Variants in ARMH1 observed in about 807,000 individuals in gnomAD.
ARMH1 encodes the protein armadillo-like helical domain containing protein 1.
In ARMH1, 34 loss-of-function variants were observed where a neutral mutation model predicts 50.2. The observed-to-expected ratio is 0.68, with a 90% confidence interval of 0.51 to 0.90. The LOEUF (loss-of-function observed/expected upper bound fraction) is 0.90, where lower values mean the gene tolerates loss of function less well. Ranked by LOEUF, ARMH1 falls within the 40% of genes least tolerant of loss-of-function variation. The probability of loss-of-function intolerance (pLI) is 0.00; values close to 1 mark genes in which losing one functional copy is unlikely to be tolerated. For missense variants in ARMH1, 538 were observed against 553.9 expected (o/e 0.97, Z 0.29); for synonymous variants, 221 against 224.2 (o/e 0.99, Z 0.13).
At chr1:44,695,649 C>T (rs1275705069) in intron 2 of ARMH1, among the ~76,000 whole-genome samples, 1 of 151,758 alleles carries the variant, frequency 6.6e-6, no homozygotes, top group African/African-American at 2.4e-5. Flanking sequence ...AAAAAACAAA[C>T]AAAAAATAAA....
chr1:44,678,248 G>A (rs1645198411), intron 1 of ARMH1, among the ~76,000 whole-genome samples: 1 of 152,108 alleles, frequency 6.6e-6, no homozygotes, highest in Non-Finnish European at 1.5e-5. Context: ...GAGCAGTGTT[G>A]GAGGCAGAAG....
At chr1:44,715,930 T>C (rs913604381) in intron 6 of ARMH1, among the ~76,000 whole-genome samples, 44 of 152,212 alleles carry the variant, frequency 2.9e-4, no homozygotes, top group African/African-American at 1.0e-3. Context: ...CAATCCCTGT[T>C]TGTCAAATGC....
At chr1:44,685,957 A>T (rs768678977) in intron 1 of ARMH1, among the ~76,000 whole-genome samples, 38 of 152,106 alleles carry the variant, frequency 2.5e-4, no homozygotes, top group Non-Finnish European at 5.9e-5. Context: ...GGAGTTATAT[A>T]CCCAGCCAAT....
chr1:44,680,871 G>A (rs1027110333), intron 1 of ARMH1, among the ~76,000 whole-genome samples: 1 of 152,028 alleles, frequency 6.6e-6, no homozygotes, highest in Admixed American at 6.6e-5. Flanking sequence ...ACCAGGCCCT[G>A]TTTCTTCAAA....
In ARMH1 at chr1:44,697,690, AATTTAGGTCCC is replaced by A. The variant is rs554581303; in HGVS notation, c.276-370_276-360del. Among the ~76,000 whole-genome samples the A allele has an allele frequency of 5.2e-3, 796 of 152,244 alleles. 28 individuals are homozygous for A. The South Asian group carries it at 0.091, about 17-fold the overall frequency. On this transcript the variant is annotated intron_variant, in intron 3 of 11. Transcript: ENST00000535358. ...CCCAGGCTTTGAGCCTCATTGGACC[AATTTAGGTCCC>A]ATGCCCAGCCCCAAACGAACTTCTG...
intron 6 of ARMH1, among the ~76,000 whole-genome samples, chr1:44,720,789 A>G (rs1186775665): frequency 6.6e-6 from 1 of 152,014 alleles, no homozygotes; most frequent in Admixed American, 6.6e-5. Flanking sequence ...TAATCCCAGC[A>G]CTTTCGGAGG....
chr1:44,699,977 G>A (rs950698067), intron 4 of ARMH1, among the ~76,000 whole-genome samples: 12 of 151,906 alleles, frequency 7.9e-5, no homozygotes, highest in East Asian at 1.9e-4. Context: ...CTACAGGCGC[G>A]TGCCACCAGA....
intron 2 of ARMH1, among the ~76,000 whole-genome samples, chr1:44,694,763 G>A (rs766323468): frequency 6.6e-6 from 1 of 152,060 alleles, no homozygotes; most frequent in Non-Finnish European, 1.5e-5. Flanking sequence ...ACCCTCCTCA[G>A]TGCTGGGATC....
intron 6 of ARMH1, among the ~76,000 whole-genome samples, chr1:44,717,188 C>A (rs555875395): frequency 6.6e-6 from 1 of 152,134 alleles, no homozygotes; most frequent in Non-Finnish European, 1.5e-5. Context: ...TGATCCTGAG[C>A]GAGCTACTCA....
At chr1:44,695,040 A>C (rs963608804) in intron 2 of ARMH1, among the ~76,000 whole-genome samples, 2 of 152,184 alleles carry the variant, frequency 1.3e-5, no homozygotes, top group Non-Finnish European at 2.9e-5. Flanking sequence ...TACTCAGTGG[A>C]CCGTGCAGAC....
At chr1:44,703,405 C>G (rs1646182569) in intron 5 of ARMH1, among the ~76,000 whole-genome samples, 1 of 152,010 alleles carries the variant, frequency 6.6e-6, no homozygotes, top group South Asian at 2.1e-4. Flanking sequence ...CGTTTCCTTT[C>G]TAACAGGTAG....
chr1:44,704,995 C>T (rs990426896), intron 6 of ARMH1, among the ~76,000 whole-genome samples: 3 of 151,848 alleles, frequency 2.0e-5, no homozygotes, highest in Admixed American at 2.0e-4. Flanking sequence ...TCACCATGCC[C>T]GGCTAATTTT....
chr1:44,704,039 TAA>T (rs374584525), intron 5 of ARMH1, 48 bp from the exon 6 acceptor site: 5,807 of 1,190,470 alleles, frequency 4.9e-3, no homozygotes, highest in Non-Finnish European at 5.4e-3. Context: ...AATCCATCTT[TAA>T]AAAAAAAAAA....
chr1:44,704,145 C>A lies in ARMH1; in HGVS notation c.696C>A (p.Gly232=). Residue 232 remains glycine (G), a synonymous_variant, in exon 6 of 12, where the codon GGC becomes GGA. Transcript: ENST00000535358. The part of the protein sequence containing the change: ...SIVDCVLKVL[G]TMHLEVQYEA... The stretch of plus-strand genomic sequence containing the variant: ...TGGACTGCGTGCTGAAGGTGCTGGG[C>A]ACGATGCACCTGGAAGTCCAGTATG... 6.4e-7 allele frequency: 1 copy of A among 1,551,202 alleles called. No homozygotes were observed. The highest frequency in any genetic ancestry group is 8.7e-7 in the Non-Finnish European group (1 of 1,146,786).
intron 3 of ARMH1, among the ~76,000 whole-genome samples, chr1:44,697,721 C>A (rs935241195): frequency 1.3e-5 from 2 of 152,200 alleles, no homozygotes; most frequent in African/African-American, 4.8e-5. Flanking sequence ...CCCAAACGAA[C>A]TTCTGCAGTC....
intron 6 of ARMH1, among the ~76,000 whole-genome samples, chr1:44,710,242 T>C (rs1434729770): frequency 6.6e-6 from 1 of 152,114 alleles, no homozygotes; most frequent in Non-Finnish European, 1.5e-5. Context: ...ACCTCATTGT[T>C]AGTTTCCTTC....
intron 6 of ARMH1, chr1:44,721,797 G>C (rs558582588): frequency 2.0e-5 from 3 of 151,496 alleles, no homozygotes; most frequent in South Asian, 2.1e-4. Flanking sequence ...GCCTTGCCTA[G>C]GCAAGACTTC....
At chr1:44,714,171 G>A (rs1220495482) in intron 6 of ARMH1, among the ~76,000 whole-genome samples, 2 of 151,814 alleles carry the variant, frequency 1.3e-5, no homozygotes, top group African/African-American at 4.8e-5. Context: ...TTGGGAGGCT[G>A]AGGCAGTAGA....
At position 44,710,397 on chromosome 1, in the gene ARMH1, C is replaced by G. The variant is rs193047475; in HGVS notation, c.724+6224C>G. On this transcript the variant is annotated intron_variant, in intron 6 of 11. Coordinates refer to ENST00000535358, the MANE Select transcript of ARMH1 (RefSeq NM_001145636.2). ...GGCCAAGGCAGGTGGATCACGAGGTCAGGAGATCGAGACCATCCTGGCTAA... is the reference window on the plus strand; with the variant it reads ...GGCCAAGGCAGGTGGATCACGAGGTGAGGAGATCGAGACCATCCTGGCTAA... Among the ~76,000 whole-genome samples the G allele has an allele frequency of 3.5e-3, 529 of 152,164 alleles. 2 individuals carry two copies. Among genetic ancestry groups the G allele is most frequent in the African/African-American group, 0.012 (511 of 41,514 alleles).
Sources: gnomAD v4.1 joint callset for allele counts (sites outside exome capture counted in the v4.1 genomes callset) on GRCh38, gnomAD v4.1.1 for gene constraint, MANE v1.5 for transcripts, NCBI Gene and HGNC (gene_info 2026-07-23, HGNC 2026-07-21) for gene names.